LCOR: variants seen among roughly 807,000 people sequenced by gnomAD.
LCOR encodes the protein ligand dependent nuclear receptor corepressor.
A neutral mutation model predicts 64.4 loss-of-function variants in LCOR; 14 were observed. The observed-to-expected ratio is 0.22, with a 90% CI of 0.14 to 0.34. The LOEUF (loss-of-function observed/expected upper bound fraction) is 0.34. Among genes scored for constraint, LCOR ranks in the 10% least tolerant of loss-of-function variants. LCOR has a pLI of 1.00. For missense variants in LCOR, 1,686 were observed against 1,765.3 expected (o/e 0.96, Z 0.80); for synonymous variants, 643 against 642.5 (o/e 1.00, Z -0.01).
chr10:96,903,989 GA>G (rs1273221660), intron 2 of LCOR, among the ~76,000 whole-genome samples: 1 of 152,150 alleles, frequency 6.6e-6, no homozygotes, highest in Non-Finnish European at 1.5e-5. Context: ...CAAAATACTT[GA>G]AAAGACAGTG....
intron 2 of LCOR, among the ~76,000 whole-genome samples, chr10:96,844,340 G>T (rs191621536): frequency 6.6e-6 from 1 of 151,530 alleles, no homozygotes; most frequent in Non-Finnish European, 1.5e-5. Context: ...TTGTAAAGAC[G>T]GGGTCTTGCT....
intron 4 of LCOR, among the ~76,000 whole-genome samples, chr10:96,926,704 A>G (rs1480974047): frequency 1.3e-5 from 2 of 152,142 alleles, no homozygotes; most frequent in Non-Finnish European, 2.9e-5. Flanking sequence ...TGCCCTTTAT[A>G]GTCAGTCCCC....
At chr10:96,915,878 TC>T in intron 4 of LCOR, 1 of 466,940 alleles carries the variant, frequency 2.1e-6, no homozygotes, top group Non-Finnish European at 4.1e-6. Context: ...TCCTTTAGCA[TC>T]CCCTTCAGCC....
At position 96,982,719 on chromosome 10, in the gene LCOR, T is replaced by A; in HGVS notation, c.2259T>A (p.Phe753Leu). 1 of 1,614,160 alleles carries A rather than the reference T, an allele frequency of 6.2e-7. No individual in the cohort carries two copies. ...VDPLLKESSTFTDENPSETEE... is the reference protein window; with the variant it reads ...VDPLLKESSTLTDENPSETEE... ...CACTCTTGAAGGAAAGCAGCACTTT[T>A]ACTGATGAAAACCCCAGTGAAACTG... The change falls in exon 8 of 8, where the codon TTT (phenylalanine) becomes TTA (leucine). Residue 753 changes from phenylalanine (F) to leucine (L), a missense_variant. Physicochemically the swap from Phe to Leu is conservative, Grantham distance 22 (BLOSUM62 0). This residue lies in a region of LCOR where 1,293 missense variants were observed against 1,410.4 expected (regional missense o/e 0.92). Coordinates refer to ENST00000421806, the MANE Select transcript of LCOR (RefSeq NM_001346516.2).
rs566854878 is a variant in LCOR, at chr10:96,954,025, T to G, written c.332+1829T>G. ...AAGTAGTTGACTTTTTAAACATTGTTTGAAAGCCGTCCATTTGAAATTTCA... is the reference window on the plus strand; with the variant it reads ...AAGTAGTTGACTTTTTAAACATTGTGTGAAAGCCGTCCATTTGAAATTTCA... On this transcript the variant is annotated intron_variant, in intron 7 of 7. Transcript: ENST00000421806. Among the ~76,000 whole-genome samples, 9 of 152,340 alleles carry G rather than the reference T, an allele frequency of 5.9e-5. No individual in the cohort carries two copies. The South Asian group carries it at 1.7e-3, about 28-fold the overall frequency.
intron 2 of LCOR, among the ~76,000 whole-genome samples, chr10:96,845,449 CTTTTTTTTTTTTTTTTTTTTTTTT>C (rs762639752): frequency 8.2e-5 from 4 of 48,686 alleles, no homozygotes; most frequent in East Asian, 1.3e-3. Flanking sequence ...TGGGCTTATC[CTTTTTTTTTTTTTTTTTTTTTTTT>C]TTTTTTTTTT....
intron 4 of LCOR, among the ~76,000 whole-genome samples, chr10:96,910,104 G>T (rs1436348990): frequency 6.6e-6 from 1 of 152,012 alleles, no homozygotes; most frequent in African/African-American, 2.4e-5. Context: ...AAGAGACAGG[G>T]TATCACTGTG....
intron 2 of LCOR, among the ~76,000 whole-genome samples, chr10:96,884,134 T>C (rs1846305871): frequency 6.6e-6 from 1 of 152,192 alleles, no homozygotes; most frequent in African/African-American, 2.4e-5. Context: ...TCATAATAAT[T>C]ATACTAAGCT....
Position 96,984,795 on chromosome 10 carries a change from AC to A in LCOR, c.4341del (p.Lys1449ArgfsTer4). On this transcript the variant is annotated frameshift_variant, in exon 8 of 8. Coordinates refer to ENST00000421806, the MANE Select transcript of LCOR (RefSeq NM_001346516.2). LOFTEE classifies it high-confidence loss of function. Reference protein sequence around the residue: ...RPAARDRSSQPPKKTSLKENK... With the variant: ...RPAARDRSSQXPKKTSLKENK... ...CAGCTGCAAGGGACAGAAGCAGCCA[AC>A]CCCCCAAAAAGACGTCTTTGAAAGA... 9 of 1,614,052 alleles carry A rather than the reference AC, an allele frequency of 5.6e-6. No homozygotes were observed. The highest frequency in any genetic ancestry group is 3.4e-6 in the Non-Finnish European group (4 of 1,179,990).
chr10:96,942,335 C>G (rs1338058699), intron 4 of LCOR, among the ~76,000 whole-genome samples: 2 of 151,570 alleles, frequency 1.3e-5, no homozygotes, highest in African/African-American at 4.9e-5. Flanking sequence ...CGCAGGCACT[C>G]GGCAGGCTGA....
intron 7 of LCOR, chr10:96,957,690 G>A (rs1847807267): frequency 1.0e-6 from 1 of 985,254 alleles, no homozygotes; most frequent in Non-Finnish European, 1.2e-6. Flanking sequence ...TGGAAACTTT[G>A]GAGCAATTAA....
At chr10:96,916,618 A>ATATATTTAT (rs1846954500) in intron 4 of LCOR, among the ~76,000 whole-genome samples, 5 of 130,190 alleles carry the variant, frequency 3.8e-5, no homozygotes, top group African/African-American at 1.7e-4. Flanking sequence ...TATATATATG[A>ATATATTTAT]TTATTTATTT....
At chr10:96,873,645 C>T (rs943075265) in intron 2 of LCOR, among the ~76,000 whole-genome samples, 2 of 148,702 alleles carry the variant, frequency 1.3e-5, no homozygotes, top group Admixed American at 1.4e-4. Flanking sequence ...CTCTGTGGCC[C>T]AGGCTGGAGT....
At chr10:96,925,476 A>C (rs1847153050) in intron 4 of LCOR, among the ~76,000 whole-genome samples, 1 of 152,240 alleles carries the variant, frequency 6.6e-6, no homozygotes, top group South Asian at 2.1e-4. Flanking sequence ...CTTTATGATT[A>C]AGTTCATAAT....
intron 4 of LCOR, among the ~76,000 whole-genome samples, chr10:96,925,174 C>T (rs1242537628): frequency 6.6e-6 from 1 of 152,130 alleles, no homozygotes; most frequent in East Asian, 1.9e-4. Flanking sequence ...GTCCCGGGTT[C>T]AAGTGGTTCT....
At chr10:96,911,589 G>A (rs930841970) in intron 4 of LCOR, among the ~76,000 whole-genome samples, 1 of 152,192 alleles carries the variant, frequency 6.6e-6, no homozygotes, top group East Asian at 1.9e-4. Context: ...CAAGAATTAA[G>A]TAGGTCTTGG....
intron 2 of LCOR, among the ~76,000 whole-genome samples, chr10:96,891,481 TC>T (rs1405585092): frequency 2.3e-4 from 27 of 119,758 alleles, no homozygotes; most frequent in African/African-American, 1.0e-3. Flanking sequence ...TTTTTCTGAC[TC>T]TTTTTTTTTT....
Position 96,941,231 on chromosome 10 carries a change from C to T in LCOR, c.-183-2882C>T, listed in dbSNP as rs1164171100. 2.6e-3 allele frequency among the ~76,000 whole-genome samples: 339 copies of T among 127,986 alleles called. 1 individual carries two copies. The highest frequency in any genetic ancestry group is 9.8e-3 in the African/African-American group (306 of 31,128). The allele number at this position is 127,986 out of a possible 152,430, so 84.0% of individuals were successfully genotyped here. On this transcript the variant is annotated intron_variant, in intron 4 of 7. Transcript: ENST00000421806. ...CTCCCGGACGGGGCGGCTGGCCGGG[C>T]GGGGGGCTGACCCCCCCACCTCCCT...
At chr10:96,920,461 C>CATATATGTGTATATATATGTATATTCAT (rs1564626032) in intron 4 of LCOR, among the ~76,000 whole-genome samples, 3,051 of 13,526 alleles carry the variant, frequency 0.23, 88 homozygotes, top group Middle Eastern at 0.42. Context: ...TATGTATATT[C>CATATATGTGTATATATATGTATATTCAT]ATATATGTGT....
Sources: gnomAD v4.1 joint callset for allele counts (sites outside exome capture counted in the v4.1 genomes callset) on GRCh38, gnomAD v4.1.1 for gene constraint, gnomAD v4.1.1 regional missense constraint, MANE v1.5 for transcripts, NCBI Gene and HGNC (gene_info 2026-07-23, HGNC 2026-07-21) for gene names.